Variants in CAPZB observed in about 807,000 individuals in gnomAD.
The protein encoded by CAPZB is capping actin protein of muscle Z-line subunit beta.
Under a neutral mutation model 38.1 loss-of-function variants are expected in CAPZB, and 2 were observed. That is an observed-to-expected ratio of 0.05 (90% confidence interval 0.02 to 0.17). CAPZB has a LOEUF of 0.17. Among genes scored for constraint, CAPZB ranks in the 10% least tolerant of loss-of-function variants. CAPZB has a pLI of 1.00. For missense variants in CAPZB, 161 were observed against 334.2 expected (o/e 0.48, Z 4.04); for synonymous variants, 107 against 127.4 (o/e 0.84, Z 1.08).
chr1:19,443,501 T>C (rs1479484244), intron 1 of CAPZB, among the ~76,000 whole-genome samples: 1 of 152,238 alleles, frequency 6.6e-6, no homozygotes, highest in African/African-American at 2.4e-5. Context: ...GGCCTGGCTT[T>C]AGGGAGACCT....
chr1:19,342,779 T>A, intron 8 of CAPZB: 1 of 1,611,820 alleles, frequency 6.2e-7, no homozygotes, highest in South Asian at 1.1e-5. Context: ...TCAGGCTGGA[T>A]GTAGATCTGG....
At chr1:19,438,061 T>C (rs1026398701) in intron 1 of CAPZB, among the ~76,000 whole-genome samples, 1 of 152,158 alleles carries the variant, frequency 6.6e-6, no homozygotes, top group African/African-American at 2.4e-5. Context: ...CATCCAAGTA[T>C]TGTTCTTACC....
At chr1:19,387,183 C>T (rs2094208759) in intron 2 of CAPZB, among the ~76,000 whole-genome samples, 1 of 152,180 alleles carries the variant, frequency 6.6e-6, no homozygotes, top group Admixed American at 6.5e-5. Context: ...CATAAAGTTA[C>T]CCAAGGGCCA....
intron 1 of CAPZB, among the ~76,000 whole-genome samples, chr1:19,485,175 C>T (rs950665511): frequency 6.6e-5 from 10 of 152,154 alleles, no homozygotes; most frequent in Admixed American, 2.0e-4. Context: ...AGAGACCAGC[C>T]TGAACACAGA....
intron 6 of CAPZB, among the ~76,000 whole-genome samples, chr1:19,346,601 C>T (rs913949074): frequency 1.3e-5 from 2 of 152,030 alleles, no homozygotes; most frequent in African/African-American, 4.8e-5. Flanking sequence ...TCAGAGGGTA[C>T]GGGCTCTGTT....
At chr1:19,457,712 C>T (rs970040990) in intron 1 of CAPZB, among the ~76,000 whole-genome samples, 2 of 152,168 alleles carry the variant, frequency 1.3e-5, no homozygotes, top group African/African-American at 4.8e-5. Flanking sequence ...TATGAATCGG[C>T]CTGACACTTT....
rs566233071 is a variant in CAPZB at position 19,484,959 on chromosome 1, G to A, written c.3+477C>T. On this transcript the variant is annotated intron_variant, in intron 1 of 8. Transcript: ENST00000264202. ...CCGGGGTCCAGCCTGAGGCCATGGA[G>A]AAGGCAAAGGGGGAGGGACAGAGGG... Among the ~76,000 whole-genome samples the A allele has an allele frequency of 3.9e-5, 6 of 152,308 alleles. No individual in the cohort carries two copies. The East Asian group carries it at 1.2e-3, about 30-fold the overall frequency.
rs1251755882 is a variant in CAPZB, at chr1:19,412,239, TG to T, written c.93+7421del. Among the ~76,000 whole-genome samples, 4 of 152,294 alleles carry T rather than the reference TG, an allele frequency of 2.6e-5. No individual in the cohort carries two copies. In the East Asian group the frequency reaches 7.7e-4, roughly 29 times the overall value. On this transcript the variant is annotated intron_variant, in intron 2 of 8. Transcript: ENST00000264202. ...TGTAGGGGCTGGTGCATATTACCAG[TG>T]ATTCCATCCATTCCGCGGCTCCTGC...
rs11586337 is a variant in CAPZB at position 19,433,759 on chromosome 1, T to C, written c.4-14009A>G. On this transcript the variant is annotated intron_variant, in intron 1 of 8. Coordinates refer to ENST00000264202, the MANE Select transcript of CAPZB (RefSeq NM_004930.5). ...TTGATCCAACAAACCACTTGGGCTA[T>C]TTCTTCCCTGGGCTCTTGGGCTCCA... Among the ~76,000 whole-genome samples, 477 of 152,318 alleles carry C rather than the reference T, an allele frequency of 3.1e-3. 2 individuals are homozygous for C. Among genetic ancestry groups the C allele is most frequent in the African/African-American group, 0.011 (459 of 41,570 alleles).
intron 1 of CAPZB, among the ~76,000 whole-genome samples, chr1:19,462,660 A>ATTCACC (rs1209375114): frequency 6.6e-6 from 1 of 152,138 alleles, no homozygotes; most frequent in African/African-American, 2.4e-5. Flanking sequence ...ATATTCACCT[A>ATTCACC]TTCACCTAAT....
chr1:19,364,214 T>C (rs2094070485), intron 4 of CAPZB, among the ~76,000 whole-genome samples: 1 of 152,228 alleles, frequency 6.6e-6, no homozygotes, highest in Non-Finnish European at 1.5e-5. Context: ...TTTTTCTTAT[T>C]TGTAAAATCA....
At chr1:19,469,383 ATAATT>A (rs937809341) in intron 1 of CAPZB, among the ~76,000 whole-genome samples, 7 of 152,268 alleles carry the variant, frequency 4.6e-5, no homozygotes, top group Admixed American at 3.9e-4. Flanking sequence ...TCCTTCCTAA[ATAATT>A]TAAGTTAAAA....
intron 1 of CAPZB, among the ~76,000 whole-genome samples, chr1:19,453,898 C>T (rs1344376477): frequency 1.4e-5 from 2 of 140,066 alleles, no homozygotes; most frequent in Admixed American, 7.5e-5. Flanking sequence ...GGTAGACATC[C>T]CTACTGCCAT....
At chr1:19,342,432 G>A (rs1558166052) in intron 8 of CAPZB, among the ~76,000 whole-genome samples, 1 of 152,252 alleles carries the variant, frequency 6.6e-6, no homozygotes, top group African/African-American at 2.4e-5. Flanking sequence ...GGACAGTCAG[G>A]CCGGTGCACA....
At position 19,366,311 on chromosome 1, in the gene CAPZB, A is replaced by AT. The variant is rs1558189927; in HGVS notation, c.330-8749_330-8748insA. Among the ~76,000 whole-genome samples, 343 of 63,192 alleles carry AT rather than the reference A, an allele frequency of 5.4e-3. 29 individuals are homozygous for AT. Among genetic ancestry groups the AT allele is most frequent in the African/African-American group, 0.02 (313 of 15,402 alleles). The allele number at this position is 63,192 out of a possible 152,430, so 41.5% of individuals were successfully genotyped here. On this transcript the variant is annotated intron_variant, in intron 4 of 8. Transcript: ENST00000264202. Reference sequence around the variant, plus strand: ...ATATATATATATATATATATATATAAATAAAATAAATGGTCATGAGGGACA... The same window carrying AT: ...ATATATATATATATATATATATATAATATAAAATAAATGGTCATGAGGGACA...
chr1:19,385,710 G>A (rs2100461063), intron 2 of CAPZB, 84 bp from the exon 3 acceptor site: 1 of 1,552,250 alleles, frequency 6.4e-7, no homozygotes, highest in Non-Finnish European at 8.9e-7. Context: ...CAGCCATATT[G>A]TGGTCAGTAC....
At chr1:19,484,076 T>C (rs1257497089) in intron 1 of CAPZB, 2 of 1,095,460 alleles carry the variant, frequency 1.8e-6, no homozygotes, top group South Asian at 1.5e-5. Context: ...CAGGTCTATC[T>C]GTGGGGGCCT....
At chr1:19,372,864 G>A (rs574478937) in intron 4 of CAPZB, among the ~76,000 whole-genome samples, 2 of 152,252 alleles carry the variant, frequency 1.3e-5, no homozygotes, top group East Asian at 3.9e-4. Context: ...GGGCTTGGTA[G>A]AGAGAATAGC....
intron 1 of CAPZB, among the ~76,000 whole-genome samples, chr1:19,423,008 C>T (rs572384680): frequency 6.7e-4 from 102 of 151,336 alleles, no homozygotes; most frequent in African/African-American, 2.4e-3. Flanking sequence ...GGTGCCTGTT[C>T]ACAAGCCCAG....
Sources: allele counts gnomAD v4.1 joint callset (sites outside exome capture counted in the v4.1 genomes callset), GRCh38; gene constraint gnomAD v4.1.1; transcripts MANE v1.5; gene names NCBI Gene and HGNC (gene_info 2026-07-23, HGNC 2026-07-21).